MFN1: variants seen among roughly 807,000 people sequenced by gnomAD.
The protein encoded by MFN1 is mitofusin-1.
In MFN1, 65 loss-of-function variants were observed where a neutral mutation model predicts 92.4. The ratio of observed to expected loss-of-function variants is 0.70; its 90% CI spans 0.58 to 0.86. MFN1 has a LOEUF of 0.86. MFN1 is among the 40% of genes least tolerant of loss of function. MFN1 has a pLI of 0.00. For missense variants in MFN1, 781 were observed against 868.0 expected, an observed-to-expected ratio of 0.90 and a Z score of 1.26; for synonymous variants, 297 against 300.9, an observed-to-expected ratio of 0.99 and a Z score of 0.13.
intron 14 of MFN1, among the ~76,000 whole-genome samples, chr3:179,382,865 GTCT>G (rs1351743046): frequency 6.6e-6 from 1 of 152,204 alleles, no homozygotes; most frequent in Non-Finnish European, 1.5e-5. Context: ...CTGCATAAAT[GTCT>G]TCTTTTGAGA....
At chr3:179,384,549 T>C (rs1397099709) in intron 14 of MFN1, among the ~76,000 whole-genome samples, 1 of 152,232 alleles carries the variant, frequency 6.6e-6, no homozygotes, top group Non-Finnish European at 1.5e-5. Context: ...AAATCCTTTC[T>C]CACATATATG....
At chr3:179,387,729 A>C (rs1386013957) in intron 16 of MFN1, among the ~76,000 whole-genome samples, 1 of 119,682 alleles carries the variant, frequency 8.4e-6, no homozygotes, top group African/African-American at 3.1e-5. Flanking sequence ...CACCCAGCTA[A>C]TTTTTTTTTT....
intron 3 of MFN1, among the ~76,000 whole-genome samples, chr3:179,357,707 T>G (rs1049226086): frequency 4.6e-5 from 7 of 152,128 alleles, no homozygotes; most frequent in African/African-American, 1.7e-4. Flanking sequence ...CCATCAAAAG[T>G]GTCCTTTTTC....
chr3:179,351,240 A>G (rs552968049), intron 2 of MFN1, among the ~76,000 whole-genome samples: 14 of 152,304 alleles, frequency 9.2e-5, no homozygotes, highest in Non-Finnish European at 1.8e-4. Flanking sequence ...ACCTCCAGCC[A>G]TGGAGGAGAG....
chr3:179,350,335 G>A (rs1235487502), intron 2 of MFN1, among the ~76,000 whole-genome samples: 1 of 151,580 alleles, frequency 6.6e-6, no homozygotes, highest in Non-Finnish European at 1.5e-5. Context: ...GGGATTCATT[G>A]TATTCCTAGC....
rs528951205 is a variant in MFN1 at position 179,375,319 on chromosome 3, A to G, written c.1075A>G (p.Asn359Asp). 4.0e-5 allele frequency: 64 copies of G among 1,613,302 alleles called. 1 individual carries two copies. Among genetic ancestry groups the G allele is most frequent in the Non-Finnish European group, 5.1e-5 (60 of 1,179,820 alleles). The change falls in exon 10 of 18, where the codon AAC becomes GAC. Residue 359 changes from asparagine to aspartate, a missense_variant. Physicochemically the swap from Asn to Asp is conservative, Grantham distance 23 (BLOSUM62 1). Transcript: ENST00000471841. ...ATVKNIMDSV[N>D]LAAEDKRHYS... is the part of the protein sequence containing the mutation. ...TGTGAAAAACATAATGGATTCAGTA[A>G]ACCTGGCAGCTGAAGATAAAAGGTA...
intron 14 of MFN1, among the ~76,000 whole-genome samples, chr3:179,382,898 C>T (rs34746): frequency 1.1e-4 from 16 of 152,230 alleles, no homozygotes; most frequent in East Asian, 5.8e-4. Context: ...TCATATCCTT[C>T]GCCCACTTTT....
In MFN1 at chr3:179,392,006, G is replaced by C; in HGVS notation, c.2173G>C (p.Glu725Gln). The C allele has an allele frequency of 1.2e-6, 2 of 1,609,150 alleles. No homozygotes were observed. The highest frequency in any genetic ancestry group is 1.7e-6 in the Non-Finnish European group (2 of 1,176,160). ...LRNKAVQLEN[E>Q]LENFTKQFLP... Reference sequence around the variant, plus strand: ...AAATAAAGCTGTTCAACTTGAAAATGAGCTGGAGAATTTTACTAAGCAGTT... The same window carrying C: ...AAATAAAGCTGTTCAACTTGAAAATCAGCTGGAGAATTTTACTAAGCAGTT... Residue 725 changes from glutamate to glutamine, a missense_variant, in exon 18 of 18, where the codon GAG (glutamate) becomes CAG (glutamine). Coordinates refer to ENST00000471841, the MANE Select transcript of MFN1 (RefSeq NM_033540.3).
At chr3:179,366,883 A>G (rs969013363) in intron 7 of MFN1, among the ~76,000 whole-genome samples, 4 of 152,146 alleles carry the variant, frequency 2.6e-5, no homozygotes, top group Non-Finnish European at 5.9e-5. Flanking sequence ...CAACATTGCA[A>G]TTCTAATGCC....
At chr3:179,359,781 A>G (rs1712501686) in intron 4 of MFN1, 2 of 151,768 alleles carry the variant, frequency 1.3e-5, no homozygotes, top group South Asian at 4.2e-4. Context: ...AGCCATCACT[A>G]AGTATTTTGA....
chr3:179,363,395 T>C (rs1712659448), intron 5 of MFN1, among the ~76,000 whole-genome samples: 1 of 152,170 alleles, frequency 6.6e-6, no homozygotes, highest in African/African-American at 2.4e-5. Flanking sequence ...TGAATAACAA[T>C]TTAATTGTAC....
intron 1 of MFN1, 38 bp from the exon 2 acceptor site, chr3:179,348,807 A>T: frequency 6.3e-7 from 1 of 1,598,156 alleles, no homozygotes; most frequent in African/African-American, 1.3e-5. Context: ...TCTATCATCC[A>T]CTTTAGTTGG....
chr3:179,357,273 G>A (rs971820030), intron 3 of MFN1, among the ~76,000 whole-genome samples: 1 of 152,134 alleles, frequency 6.6e-6, no homozygotes, highest in Non-Finnish European at 1.5e-5. Flanking sequence ...CCAAAGTGCA[G>A]CCTGATTATT....
intron 4 of MFN1, among the ~76,000 whole-genome samples, chr3:179,361,249 T>C (rs1712563844): frequency 6.6e-6 from 1 of 152,232 alleles, no homozygotes; most frequent in Non-Finnish European, 1.5e-5. Flanking sequence ...GCTGTTATTT[T>C]AAAGAAATCA....
Position 179,356,120 on chromosome 3 carries a change from A to G in MFN1, c.249-2720A>G, listed in dbSNP as rs137908996. On this transcript the variant is annotated intron_variant, in intron 3 of 17. Coordinates refer to ENST00000471841, the MANE Select transcript of MFN1 (RefSeq NM_033540.3). ...TTGTTTTCATAATGAGCCCTTTTTA[A>G]TGACAACTGAATTTATGCTAATGAG... Among the ~76,000 whole-genome samples the G allele has an allele frequency of 3.3e-4, 50 of 152,318 alleles. No homozygotes were observed. In the East Asian group the frequency reaches 9.5e-3, roughly 29 times the overall value.
intron 4 of MFN1, 21 bp downstream of exon 4, chr3:179,359,023 C>A (rs762590559): frequency 1.2e-6 from 2 of 1,603,542 alleles, no homozygotes; most frequent in Non-Finnish European, 8.5e-7. Flanking sequence ...TAACCTTTAG[C>A]AGAATAATAT....
intron 9 of MFN1, among the ~76,000 whole-genome samples, chr3:179,374,764 T>G (rs1013371924): frequency 6.6e-6 from 1 of 152,206 alleles, no homozygotes; most frequent in Non-Finnish European, 1.5e-5. Flanking sequence ...ACAGGAATCA[T>G]TGTATCATTC....
chr3:179,382,812 C>T (rs1029857875), intron 14 of MFN1, among the ~76,000 whole-genome samples: 8 of 152,230 alleles, frequency 5.3e-5, no homozygotes, highest in Non-Finnish European at 7.3e-5. Context: ...TTGCATTTCT[C>T]TGATGGCCAG....
chr3:179,378,929 T>G, intron 14 of MFN1, 115 bp downstream of exon 14: 1 of 766,068 alleles, frequency 1.3e-6, no homozygotes, highest in South Asian at 2.0e-5. Flanking sequence ...AGTATCTATC[T>G]CTTAGAGCCA....
Sources: gnomAD v4.1 joint callset for allele counts (sites outside exome capture counted in the v4.1 genomes callset) on GRCh38, gnomAD v4.1.1 for gene constraint, MANE v1.5 for transcripts, NCBI Gene and HGNC (gene_info 2026-07-23, HGNC 2026-07-21) for gene names.